The following TEX9 variants were observed in gnomAD, a reference collection of about 807,000 sequenced individuals.
TEX9 encodes testis expressed 9, also known as testis-expressed protein 9.
A neutral mutation model predicts 59.6 loss-of-function variants in TEX9; 74 were observed. The observed-to-expected ratio is 1.24, with a 90% CI of 1.03 to 1.51. The LOEUF (loss-of-function observed/expected upper bound fraction) is 1.51. Ranked by LOEUF, TEX9 falls within the 40% of genes most tolerant of loss-of-function variation. The pLI is 0.00. For missense variants in TEX9, 522 were observed against 447.8 expected (o/e 1.17, Z -1.49); for synonymous variants, 186 against 152.2 (o/e 1.22, Z -1.64).
At chr15:56,390,388 G>A (rs757683037) in intron 6 of TEX9, among the ~76,000 whole-genome samples, 25 of 152,024 alleles carry the variant, frequency 1.6e-4, no homozygotes, top group Non-Finnish European at 3.4e-4. Flanking sequence ...TGAGGGGATG[G>A]ATACCCCCTT....
chr15:56,261,795 A>G (rs147713399), intron 1 of TEX9, among the ~76,000 whole-genome samples: 563 of 152,298 alleles, frequency 3.7e-3, no homozygotes, highest in Non-Finnish European at 5.6e-3. Context: ...CCCAAAGGAT[A>G]TAGGAATAGT....
At chr15:56,428,238 A>G (rs1596243779) in intron 11 of TEX9, 129 bp from the exon 12 acceptor site, 2 of 629,564 alleles carry the variant, frequency 3.2e-6, no homozygotes, top group African/African-American at 3.6e-5. Flanking sequence ...ATTGGAATTA[A>G]GAGTATACAT....
intron 1 of TEX9, among the ~76,000 whole-genome samples, chr15:56,349,725 A>G (rs12438788): frequency 0.044 from 6,687 of 152,184 alleles, 224 homozygotes; most frequent in Admixed American, 0.087. Flanking sequence ...ATATAAGCAC[A>G]TATACACACG....
At chr15:56,394,368 A>T in intron 8 of TEX9, 121 bp downstream of exon 8, 1 of 847,916 alleles carries the variant, frequency 1.2e-6, no homozygotes, top group Non-Finnish European at 1.8e-6. Flanking sequence ...TGAATTCAAA[A>T]ATTGTATATA....
chr15:56,279,648 C>T (rs531231950), intron 1 of TEX9, among the ~76,000 whole-genome samples: 1 of 152,024 alleles, frequency 6.6e-6, no homozygotes, highest in Admixed American at 6.6e-5. Flanking sequence ...AAGAGTAAGT[C>T]AAGCAAAAAT....
chr15:56,263,883 T>C (rs1317819040), intron 1 of TEX9, among the ~76,000 whole-genome samples: 1 of 151,472 alleles, frequency 6.6e-6, no homozygotes, highest in South Asian at 2.1e-4. Flanking sequence ...CTGCCATTTG[T>C]TTTTTATTAA....
intron 1 of TEX9, chr15:56,323,864 A>C: frequency 4.6e-6 from 1 of 216,360 alleles, no homozygotes; most frequent in Non-Finnish European, 9.9e-6. Flanking sequence ...TCCCCTGTAC[A>C]CAACTCACTC....
intron 12 of TEX9, among the ~76,000 whole-genome samples, chr15:56,432,795 T>C (rs1264271833): frequency 1.3e-5 from 2 of 152,216 alleles, no homozygotes; most frequent in Non-Finnish European, 2.9e-5. Context: ...ACAGCACTTG[T>C]ATTCCCATGA....
chr15:56,261,712 G>C (rs1410853798), intron 1 of TEX9, among the ~76,000 whole-genome samples: 2 of 151,486 alleles, frequency 1.3e-5, no homozygotes, highest in East Asian at 3.9e-4. Flanking sequence ...GCGAGAGACT[G>C]TCTCAAAAAA....
chr15:56,373,491 C>T (rs769130323), exon 3 of TEX9: 4 of 1,569,184 alleles, frequency 2.5e-6, no homozygotes, highest in Non-Finnish European at 3.4e-6. Context: ...GTTCAACAAG[C>T]TAAGGAAATA....
chr15:56,257,179 A>C lies in TEX9; in HGVS notation c.-107+12901A>C, dbSNP rs1474242570. Among the ~76,000 whole-genome samples the C allele has an allele frequency of 2.0e-5, 3 of 152,124 alleles. No homozygotes were observed. In the East Asian group the frequency reaches 5.8e-4, roughly 29 times the overall value. On this transcript the variant is annotated intron_variant, in intron 1 of 5. Transcript: ENST00000560827. ...TATATGTACTACATTTTCTTTACCC[A>C]GTCTATCATTGATGGGCATCTAGTT...
intron 5 of TEX9, among the ~76,000 whole-genome samples, 155 bp from the exon 6 acceptor site, chr15:56,389,163 A>T (rs1233331811): frequency 1.3e-5 from 2 of 152,202 alleles, no homozygotes; most frequent in African/African-American, 4.8e-5. Context: ...CCAGCTATAC[A>T]GTTGTGATAT....
intron 9 of TEX9, among the ~76,000 whole-genome samples, chr15:56,402,669 G>A (rs1233829723): frequency 6.6e-6 from 1 of 152,116 alleles, no homozygotes; most frequent in Non-Finnish European, 1.5e-5. Flanking sequence ...CCAAAGCCTG[G>A]CAGAAACACA....
At chr15:56,429,947 A>C (rs1364950668) in intron 12 of TEX9, 2 of 152,282 alleles carry the variant, frequency 1.3e-5, no homozygotes, top group Non-Finnish European at 2.9e-5. Flanking sequence ...TAGTTTATGA[A>C]ATGTATTAAT....
chr15:56,415,461 C>A (rs1184017609), intron 10 of TEX9, among the ~76,000 whole-genome samples: 1 of 151,846 alleles, frequency 6.6e-6, no homozygotes, highest in Non-Finnish European at 1.5e-5. Context: ...AATGGCTAGC[C>A]AGTTATCCCA....
At chr15:56,305,093 A>G (rs2045446632) in intron 1 of TEX9, among the ~76,000 whole-genome samples, 2 of 152,240 alleles carry the variant, frequency 1.3e-5, no homozygotes, top group African/African-American at 4.8e-5. Context: ...AGATCTCTAC[A>G]GTAAAAACTA....
intron 1 of TEX9, among the ~76,000 whole-genome samples, chr15:56,312,709 G>A (rs1279801269): frequency 9.1e-6 from 1 of 110,086 alleles, no homozygotes; most frequent in Non-Finnish European, 1.8e-5. Flanking sequence ...GATGGGGATG[G>A]CATTGAATCT....
intron 1 of TEX9, among the ~76,000 whole-genome samples, chr15:56,331,836 A>C (rs2046152174): frequency 6.6e-6 from 1 of 150,850 alleles, no homozygotes; most frequent in African/African-American, 2.4e-5. Flanking sequence ...TCTCAAAAGA[A>C]GACATTTATG....
chr15:56,395,030 G>A (rs2048397158), intron 9 of TEX9, 196 bp downstream of exon 9: 3 of 583,658 alleles, frequency 5.1e-6, no homozygotes, highest in Non-Finnish European at 8.9e-6. Context: ...CAATTCAATG[G>A]CTTTTGGTGT....
Sources: gnomAD v4.1 joint callset for allele counts (sites outside exome capture counted in the v4.1 genomes callset) on GRCh38, gnomAD v4.1.1 for gene constraint, MANE v1.5 for transcripts, NCBI Gene and HGNC (gene_info 2026-07-23, HGNC 2026-07-21) for gene names.